The following MORC4 variants were observed in gnomAD, a reference collection of about 807,000 sequenced individuals.
MORC4 encodes MORC family CW-type zinc finger protein 4.
A neutral mutation model predicts 65.5 loss-of-function variants in MORC4; 22 were observed. That is an observed-to-expected ratio of 0.34 (90% CI 0.24 to 0.48). MORC4 has a LOEUF of 0.48. MORC4 is among the 20% of genes least tolerant of loss of function. The pLI is 0.99. For synonymous variants in MORC4, 267 were observed against 255.8 expected (o/e 1.04, Z -0.42); for missense variants, 624 against 703.0 (o/e 0.89, Z 1.27).
chrX:106,947,591 A>AAT (rs1555982181), intron 14 of MORC4, among the ~76,000 whole-genome samples: 1,005 of 83,071 alleles, frequency 0.012, 19 homozygotes, highest in African/African-American at 0.046. Flanking sequence ...ATATATATAT[A>AAT]ATATATATAT....
intron 5 of MORC4, among the ~76,000 whole-genome samples, chrX:106,981,757 A>G (rs1436689601): frequency 1.8e-5 from 2 of 111,866 alleles, no homozygotes; most frequent in Non-Finnish European, 3.8e-5. Flanking sequence ...TGATAAATCA[A>G]ATGGATGTCA....
At chrX:106,961,979 C>T in intron 10 of MORC4, 33 bp downstream of exon 10, 1 of 1,032,481 alleles carries the variant, frequency 9.7e-7, no homozygotes, top group African/African-American at 1.8e-5. Flanking sequence ...GATATTACCC[C>T]TAATACATTC....
At chrX:106,998,658 T>C (rs1475601593) in intron 2 of MORC4, among the ~76,000 whole-genome samples, 7 of 112,482 alleles carry the variant, frequency 6.2e-5, no homozygotes, top group Non-Finnish European at 1.3e-4. Flanking sequence ...GTTCCAAACG[T>C]ATCAATTCCA....
chrX:106,973,462 G>A (rs140081652), intron 9 of MORC4, among the ~76,000 whole-genome samples: 376 of 111,329 alleles, frequency 3.4e-3, no homozygotes, highest in Non-Finnish European at 4.7e-3. Context: ...TAATGGGTAG[G>A]GACTTTTGGA....
rs1267875589 is a variant in MORC4 at position 106,956,521 on chromosome X, C to T, written c.1468G>A (p.Glu490Lys). 8.3e-7 allele frequency: 1 copy of T among 1,206,562 alleles called. No individual in the cohort carries two copies. Among genetic ancestry groups the T allele is most frequent in the Non-Finnish European group, 1.1e-6 (1 of 890,720 alleles). The change falls in exon 13 of 17, where the codon GAG becomes AAG. Residue 490 changes from glutamate to lysine, a missense_variant. Physicochemically the swap from Glu to Lys is moderately conservative, Grantham distance 56. Coordinates refer to ENST00000355610, the MANE Select transcript of MORC4 (RefSeq NM_024657.5). ...TCCATAGGCATCTTCTTCTTCTCCT[C>T]AACAGTTTGTTCTCTAGGAGAAGAT... ...SKAKKQEQTV[E>K]EKKKMPMENE...
In MORC4 at chrX:106,962,012, G is replaced by A. The variant is rs182603689; in HGVS notation, c.1256C>T (p.Pro419Leu). The change falls in exon 10 of 17, where the codon CCG becomes CTG. Residue 419 changes from proline to leucine, a missense_variant and splice_region_variant. Physicochemically the swap from Pro to Leu is moderately conservative, Grantham distance 98 (BLOSUM62 -3). Coordinates refer to ENST00000355610, the MANE Select transcript of MORC4 (RefSeq NM_024657.5). ...FETSTVARPI[P>L]KVPDQTWVQC... Reference sequence around the variant, plus strand: ...TTCATATTCTGTATGTATTACTTACGGTATTGGCCTGGCTACAGTTGAGGT... The same window carrying A: ...TTCATATTCTGTATGTATTACTTACAGTATTGGCCTGGCTACAGTTGAGGT... 3.7e-5 allele frequency: 44 copies of A among 1,174,266 alleles called. No homozygotes were observed. Among genetic ancestry groups the A allele is most frequent in the Non-Finnish European group, 4.7e-5 (41 of 863,740 alleles).
intron 13 of MORC4, 145 bp downstream of exon 13, chrX:106,956,335 C>A: frequency 1.7e-6 from 1 of 578,916 alleles, no homozygotes; most frequent in South Asian, 2.8e-5. Context: ...CAAAGCAAAA[C>A]CAAAAGATTC....
At position 106,976,680 on chromosome X, in the gene MORC4, G is replaced by C; in HGVS notation, c.1061C>G (p.Thr354Ser). Residue 354 changes from threonine to serine, a missense_variant, in exon 9 of 17, where the codon ACT (threonine) becomes AGT (serine). By Grantham distance (58) the Thr-to-Ser change is moderately conservative. Coordinates refer to ENST00000355610, the MANE Select transcript of MORC4 (RefSeq NM_024657.5). ...AATTACTCCTACACCTTCTCCACGA[G>C]TTGGCTTAGAAGAAAATATTAATTT... Reference protein sequence around the residue: ...FEKVGCQVKPTRGEGVGVIGV... With the variant: ...FEKVGCQVKPSRGEGVGVIGV... 1.7e-6 allele frequency: 2 copies of C among 1,192,159 alleles called. No individual in the cohort carries two copies. Among genetic ancestry groups the C allele is most frequent in the Non-Finnish European group, 2.3e-6 (2 of 879,088 alleles).
rs751840023 is a variant in MORC4, at chrX:106,956,956, G to A, written c.1434C>T (p.Cys478=). The change falls in exon 12 of 17, where the codon TGC becomes TGT. Residue 478 remains cysteine, a synonymous_variant. Transcript: ENST00000355610. The part of the protein sequence containing the change: ...EEQELTDEDL[C]LSKAKKQEQT... ...TCAACTGTTTCTTAGCTTTGCTCAA[G>A]CACAGGTCTTCATCAGTGAGTTCTT... 9 of 1,197,307 alleles carry A rather than the reference G, an allele frequency of 7.5e-6. No homozygotes were observed. Among genetic ancestry groups the A allele is most frequent in the Non-Finnish European group, 1.0e-5 (9 of 884,259 alleles).
intron 14 of MORC4, among the ~76,000 whole-genome samples, chrX:106,954,428 T>G (rs1206843551): frequency 8.9e-6 from 1 of 112,303 alleles, no homozygotes; most frequent in African/African-American, 3.2e-5. Context: ...TACTAATAAT[T>G]TATTCTAGGA....
chrX:106,995,825 A>G (rs1935068878), intron 2 of MORC4, among the ~76,000 whole-genome samples: 2 of 111,944 alleles, frequency 1.8e-5, no homozygotes. Context: ...TAACTGACTA[A>G]AGGATTCAGC....
Position 106,976,698 on chromosome X carries a change from A to G in MORC4, c.1057-14T>C. On this transcript the variant is annotated splice_polypyrimidine_tract_variant and intron_variant, in intron 8 of 16. Transcript: ENST00000355610. ...TCCACGAGTTGGCTTAGAAGAAAATATTAATTTCAACACTTACATTACTGT... is the reference window on the plus strand; with the variant it reads ...TCCACGAGTTGGCTTAGAAGAAAATGTTAATTTCAACACTTACATTACTGT... 1 of 1,129,918 alleles carries G rather than the reference A, an allele frequency of 8.9e-7. No individual in the cohort carries two copies. Among genetic ancestry groups the G allele is most frequent in the South Asian group, 1.8e-5 (1 of 54,332 alleles). 93.1% of individuals were successfully genotyped at this position (1,129,918 alleles called of 1,213,427 possible). A position where few individuals can be genotyped will look rare whatever the true frequency, so the allele number is the denominator to read the frequency against.
intron 9 of MORC4, among the ~76,000 whole-genome samples, chrX:106,965,233 G>A (rs1392538592): frequency 2.7e-5 from 3 of 111,703 alleles, no homozygotes; most frequent in Non-Finnish European, 5.6e-5. Context: ...CTTTTGTAAG[G>A]AATTGAAGTT....
At chrX:106,995,152 A>C (rs1330529766) in intron 2 of MORC4, among the ~76,000 whole-genome samples, 1 of 104,491 alleles carries the variant, frequency 9.6e-6, no homozygotes, top group African/African-American at 3.5e-5. Flanking sequence ...CCCCCCTCCC[A>C]CCCTTCCCAG....
chrX:106,993,113 G>T, intron 3 of MORC4, 117 bp downstream of exon 3: 1 of 775,176 alleles, frequency 1.3e-6, no homozygotes, highest in Non-Finnish European at 1.9e-6. Flanking sequence ...CATAAGAGAT[G>T]CTTAATAAAT....
At chrX:106,984,263 G>A (rs1184962881) in intron 5 of MORC4, among the ~76,000 whole-genome samples, 1 of 107,576 alleles carries the variant, frequency 9.3e-6, no homozygotes, top group African/African-American at 3.4e-5. Context: ...TCCAGCCTGG[G>A]CAAGAGAGAC....
chrX:106,946,911 G>A (rs185421672), intron 14 of MORC4, among the ~76,000 whole-genome samples: 45 of 110,926 alleles, frequency 4.1e-4, no homozygotes, highest in African/African-American at 1.4e-3. Context: ...CAAAGTGCTG[G>A]GATTACAGGT....
At chrX:106,976,793 GA>G (rs751161416) in intron 8 of MORC4, 109 bp from the exon 9 acceptor site, 1 of 490,832 alleles carries the variant, frequency 2.0e-6, no homozygotes, top group African/African-American at 2.4e-5. Context: ...TCATGGGCAA[GA>G]AAAGACCATC....
chrX:106,986,087 T>C lies in MORC4; in HGVS notation c.422A>G (p.Lys141Arg), dbSNP rs765364667. 1.7e-6 allele frequency: 2 copies of C among 1,209,390 alleles called. No individual in the cohort carries two copies. Among genetic ancestry groups the C allele is most frequent in the Non-Finnish European group, 2.2e-6 (2 of 894,528 alleles). Residue 141 changes from lysine (K) to arginine (R), a missense_variant, in exon 4 of 17, where the codon AAG (lysine) becomes AGG (arginine). Lys to Arg is a conservative substitution (Grantham distance 26, BLOSUM62 2). Coordinates refer to ENST00000355610, the MANE Select transcript of MORC4 (RefSeq NM_024657.5). ...RLGKDALVFT[K>R]NGGTLTVGLL... Reference sequence around the variant, plus strand: ...TCCAACAGTGAGAGTACCCCCATTCTTGGTGAAGACAAGGGCGTCCTTTCC... The same window carrying C: ...TCCAACAGTGAGAGTACCCCCATTCCTGGTGAAGACAAGGGCGTCCTTTCC...
Sources: allele counts gnomAD v4.1 joint callset (sites outside exome capture counted in the v4.1 genomes callset), GRCh38; gene constraint gnomAD v4.1.1; transcripts MANE v1.5; gene names NCBI Gene and HGNC (gene_info 2026-07-23, HGNC 2026-07-21).